Variants in BTNL3 observed in about 807,000 individuals in gnomAD.
The protein encoded by BTNL3 is butyrophilin like 3, also known as butyrophilin-like protein 3.
Under a neutral mutation model 40.1 loss-of-function variants are expected in BTNL3, and 20 were observed. The ratio of observed to expected loss-of-function variants is 0.50; its 90% CI spans 0.35 to 0.72. The LOEUF is 0.72. Ranked by LOEUF, BTNL3 falls within the 30% of genes least tolerant of loss-of-function variation. The pLI, the probability that BTNL3 is intolerant of heterozygous loss-of-function variation, is 0.01. For missense variants in BTNL3, 449 were observed against 582.2 expected, an observed-to-expected ratio of 0.77 and a Z score of 2.35; for synonymous variants, 179 against 222.1, an observed-to-expected ratio of 0.81 and a Z score of 1.73.
In BTNL3 at chr5:181,002,834, T is replaced by C; in HGVS notation, c.787+49T>C. ...GCCCATACCTTCTTCATGGTTCCAGTGGAGCTGATATCAGGCTGCCCTCAC... is the reference window on the plus strand; with the variant it reads ...GCCCATACCTTCTTCATGGTTCCAGCGGAGCTGATATCAGGCTGCCCTCAC... On this transcript the variant is annotated intron_variant, in intron 4 of 7. Coordinates refer to ENST00000342868, the MANE Select transcript of BTNL3 (RefSeq NM_197975.3). 1.4e-6 allele frequency: 2 copies of C among 1,426,572 alleles called. 1 individual carries two copies. 88.4% of individuals were successfully genotyped at this position (1,426,572 alleles called of 1,614,324 possible).
In BTNL3 at chr5:180,998,450, T is replaced by C. The variant is rs1053711387; in HGVS notation, c.673+962T>C. Reference sequence around the variant, plus strand: ...AGTAGACAAAATGAGTAAGAATATATACTATTTGAACTAAAAATTAATAAG... The same window carrying C: ...AGTAGACAAAATGAGTAAGAATATACACTATTTGAACTAAAAATTAATAAG... On this transcript the variant is annotated intron_variant, in intron 3 of 7. Transcript: ENST00000342868. 1.2e-4 allele frequency among the ~76,000 whole-genome samples: 16 copies of C among 137,124 alleles called. 3 individuals carry two copies. The highest frequency in any genetic ancestry group is 4.3e-4 in the South Asian group (2 of 4,684). The allele number at this position is 137,124 out of a possible 152,430, so 90.0% of individuals were successfully genotyped here.
chr5:181,002,437 G>T (rs1760132688), intron 3 of BTNL3, among the ~76,000 whole-genome samples: 1 of 83,858 alleles, frequency 1.2e-5, no homozygotes, highest in African/African-American at 3.8e-5. Flanking sequence ...ATAAAGAAAT[G>T]CAAAGCTTTA....
chr5:181,001,524 C>A (rs1202192689), intron 3 of BTNL3, among the ~76,000 whole-genome samples: 1 of 129,580 alleles, frequency 7.7e-6, no homozygotes, highest in Non-Finnish European at 1.7e-5. Flanking sequence ...ACTTTGTTGC[C>A]TAGACTGGTC....
rs757514867 is a variant in BTNL3 at position 181,005,515 on chromosome 5, A to C, written c.1044A>C (p.Gly348=). The C allele has an allele frequency of 2.0e-5, 32 of 1,614,040 alleles. No individual in the cohort carries two copies. The Middle Eastern group carries it at 1.5e-3, about 75-fold the overall frequency. The change falls in exon 8 of 8, where the codon GGA becomes GGC. Residue 348 remains glycine (G), a synonymous_variant. Transcript: ENST00000342868. ...AACATTACTGGGAGGTGGACGTGGG[A>C]CAAAATGTAGGGTGGTATGTGGGAG... ...AGKHYWEVDV[G]QNVGWYVGVC... is the part of the protein sequence containing the mutation.
chr5:180,997,087 TGTGA>T, intron 2 of BTNL3, 122 bp from the exon 3 acceptor site: 4 of 1,239,238 alleles, frequency 3.2e-6, no homozygotes, highest in East Asian at 2.6e-5. Flanking sequence ...GATGTGTGTG[TGTGA>T]GAGAGAGAGA....
In BTNL3 at chr5:180,999,348, C is replaced by T. The variant is rs1310410735; in HGVS notation, c.673+1860C>T. Among the ~76,000 whole-genome samples, 2 of 136,232 alleles carry T rather than the reference C, an allele frequency of 1.5e-5. 1 individual carries two copies. Among genetic ancestry groups the T allele is most frequent in the Non-Finnish European group, 3.3e-5 (2 of 59,780 alleles). The allele number at this position is 136,232 out of a possible 152,430, so 89.4% of individuals were successfully genotyped here. On this transcript the variant is annotated intron_variant, in intron 3 of 7. Transcript: ENST00000342868. ...GTTATTAAAATAGATAAACTGGCAACATCAGTTAAGAATAAAAGAGAAACA... is the reference window on the plus strand; with the variant it reads ...GTTATTAAAATAGATAAACTGGCAATATCAGTTAAGAATAAAAGAGAAACA...
rs559517221 is a variant in BTNL3, at chr5:181,005,687, C to G, written c.1216C>G (p.Arg406Gly). ...CCTCCCCCCCAGCACCCCTCCTACA[C>G]GAGTAGGGGTCTTCCTGGACTATGA... is the stretch of plus-strand genomic sequence containing the variant. ...ISLPPSTPPT[R>G]VGVFLDYEGG... Residue 406 changes from arginine to glycine, a missense_variant, in exon 8 of 8, where the codon CGA becomes GGA. By Grantham distance (125) the Arg-to-Gly change is moderately radical (BLOSUM62 -2). Transcript: ENST00000342868. The G allele has an allele frequency of 3.7e-6, 6 of 1,614,084 alleles. No homozygotes were observed. Among genetic ancestry groups the G allele is most frequent in the South Asian group, 1.1e-5 (1 of 91,080 alleles).
intron 2 of BTNL3, among the ~76,000 whole-genome samples, chr5:180,995,853 C>T (rs747896264): frequency 2.2e-5 from 3 of 134,914 alleles, no homozygotes; most frequent in Non-Finnish European, 5.1e-5. Flanking sequence ...TCCTGGGGTC[C>T]CTAGTCAGTC....
rs757201497 is a variant in BTNL3, at chr5:181,005,866, G to C, written c.1395G>C (p.Trp465Cys). ...CCATATTCATATGTCCAGTGTCCTG[G>C]GGATGAGACAGAGAAGACCCTGCTT... Reference protein sequence around the residue: ...GTPIFICPVSWG With the variant: ...GTPIFICPVSCG Residue 465 changes from tryptophan to cysteine, a missense_variant, in exon 8 of 8, where the codon TGG becomes TGC. By Grantham distance (215) the Trp-to-Cys change is radical. Around this residue, in one of 2 missense-constraint regions of BTNL3, gnomAD observed 126 missense variants for 117.2 expected, o/e 1.07. Coordinates refer to ENST00000342868, the MANE Select transcript of BTNL3 (RefSeq NM_197975.3). The C allele has an allele frequency of 6.3e-7, 1 of 1,598,828 alleles. No homozygotes were observed. Among genetic ancestry groups the C allele is most frequent in the Non-Finnish European group, 8.5e-7 (1 of 1,172,560 alleles).
chr5:180,992,743 C>G lies in BTNL3; in HGVS notation c.50-70C>G. 2.1e-6 allele frequency: 3 copies of G among 1,426,288 alleles called. 1 individual carries two copies. The highest frequency in any genetic ancestry group is 2.9e-6 in the Non-Finnish European group (3 of 1,039,020). 88.4% of individuals were successfully genotyped at this position (1,426,288 alleles called of 1,614,324 possible). On this transcript the variant is annotated intron_variant, in intron 1 of 7. Coordinates refer to ENST00000342868, the MANE Select transcript of BTNL3 (RefSeq NM_197975.3). ...CCCCCACCCCATACCCCACACTTCT[C>G]CACCCACCAGAGCCCTGAGAAGGAC... is the stretch of plus-strand genomic sequence containing the variant.
Position 180,997,445 on chromosome 5 carries a change from T to C in BTNL3, c.630T>C (p.Leu210=). The part of the protein sequence containing the change: ...NAGSILCSIH[L]AEQSHEVESK... ...GGAGCATATTGTGTTCCATCCACCT[T>C]GCTGAGCAGAGTCATGAGGTGGAAT... Residue 210 remains leucine (L), a synonymous_variant, in exon 3 of 8, where the codon CTT becomes CTC. Transcript: ENST00000342868. The C allele has an allele frequency of 6.8e-7, 1 of 1,463,524 alleles. No individual in the cohort carries two copies. Among genetic ancestry groups the C allele is most frequent in the Non-Finnish European group, 9.4e-7 (1 of 1,058,992 alleles). The allele number at this position is 1,463,524 out of a possible 1,614,324, so 90.7% of individuals were successfully genotyped here.
At position 180,996,715 on chromosome 5, in the gene BTNL3, A is replaced by T. The variant is rs1760038569; in HGVS notation, c.398-498A>T. Among the ~76,000 whole-genome samples the T allele has an allele frequency of 1.5e-5, 2 of 135,158 alleles. 1 individual carries two copies. The highest frequency in any genetic ancestry group is 3.4e-5 in the Non-Finnish European group (2 of 59,178). The allele number at this position is 135,158 out of a possible 152,430, so 88.7% of individuals were successfully genotyped here. A position where few individuals can be genotyped will look rare whatever the true frequency, so the allele number is the denominator to read the frequency against. On this transcript the variant is annotated intron_variant, in intron 2 of 7. Transcript: ENST00000342868. ...CTCTCCCAGACCTGACCACAACAAAACTCCTATTTTCTGACACAGAAGGGT... is the reference window on the plus strand; with the variant it reads ...CTCTCCCAGACCTGACCACAACAAATCTCCTATTTTCTGACACAGAAGGGT...
chr5:180,991,310 C>T (rs753072550), intron 1 of BTNL3, among the ~76,000 whole-genome samples: 3 of 137,726 alleles, frequency 2.2e-5, no homozygotes, highest in Non-Finnish European at 5.0e-5. Flanking sequence ...TTAAAAATAT[C>T]CACTTATCTG....
chr5:181,001,961 T>C (rs1326208214), intron 3 of BTNL3, among the ~76,000 whole-genome samples: 1 of 134,700 alleles, frequency 7.4e-6, no homozygotes, highest in African/African-American at 2.5e-5. Context: ...GCTGGGTTTA[T>C]AGGCATGAGC....
intron 3 of BTNL3, among the ~76,000 whole-genome samples, chr5:181,000,938 A>G (rs1432224339): frequency 1.5e-5 from 2 of 136,982 alleles, no homozygotes; most frequent in Non-Finnish European, 3.3e-5. Context: ...AGCCACTTCA[A>G]TAAGGGAAGA....
At position 180,998,638 on chromosome 5, in the gene BTNL3, C is replaced by A. The variant is rs564724950; in HGVS notation, c.673+1150C>A. Among the ~76,000 whole-genome samples the A allele has an allele frequency of 1.2e-4, 16 of 136,520 alleles. 1 individual carries two copies. The highest frequency in any genetic ancestry group is 8.4e-5 in the Non-Finnish European group (5 of 59,786). The allele number at this position is 136,520 out of a possible 152,430, so 89.6% of individuals were successfully genotyped here. ...TATCATGCACATGAAATTCTCTAATCATAATTTAATAAAGTCAAATGACCA... is the reference window on the plus strand; with the variant it reads ...TATCATGCACATGAAATTCTCTAATAATAATTTAATAAAGTCAAATGACCA... On this transcript the variant is annotated intron_variant, in intron 3 of 7. Transcript: ENST00000342868.
rs1356527759 is a variant in BTNL3 at position 180,999,345 on chromosome 5, C to G, written c.673+1857C>G. On this transcript the variant is annotated intron_variant, in intron 3 of 7. Transcript: ENST00000342868. ...AGTGTTATTAAAATAGATAAACTGG[C>G]AACATCAGTTAAGAATAAAAGAGAA... Among the ~76,000 whole-genome samples, 2 of 136,086 alleles carry G rather than the reference C, an allele frequency of 1.5e-5. 1 individual carries two copies. Among genetic ancestry groups the G allele is most frequent in the Non-Finnish European group, 3.3e-5 (2 of 59,744 alleles). 89.3% of individuals were successfully genotyped at this position (136,086 alleles called of 152,430 possible). A position where few individuals can be genotyped will look rare whatever the true frequency, so the allele number is the denominator to read the frequency against.
At chr5:181,002,365 CACGT>C (rs1280267589) in intron 3 of BTNL3, among the ~76,000 whole-genome samples, 2 of 43,158 alleles carry the variant, frequency 4.6e-5, no homozygotes, top group African/African-American at 5.1e-5. Context: ...CACACACACA[CACGT>C]GTGTGTGTAT....
intron 4 of BTNL3, among the ~76,000 whole-genome samples, chr5:181,003,575 AC>A (rs1431793135): frequency 7.2e-6 from 1 of 139,782 alleles, no homozygotes; most frequent in Non-Finnish European, 1.6e-5. Flanking sequence ...GGGTGAGGCC[AC>A]CCCCGCCTCC....
Sources: allele counts gnomAD v4.1 joint callset (sites outside exome capture counted in the v4.1 genomes callset), GRCh38; gene constraint gnomAD v4.1.1; regional missense constraint gnomAD v4.1.1; transcripts MANE v1.5; gene names NCBI Gene and HGNC (gene_info 2026-07-23, HGNC 2026-07-21).